The following GABBR2 variants were observed in gnomAD, a reference collection of about 807,000 sequenced individuals.
GABBR2 encodes the protein G-protein coupled receptor 51.
Under a neutral mutation model 105.6 loss-of-function variants are expected in GABBR2, and 23 were observed. That is an observed-to-expected ratio of 0.22 (90% CI 0.16 to 0.31). The LOEUF (loss-of-function observed/expected upper bound fraction) is 0.31, where lower values mean the gene tolerates loss of function less well. GABBR2 is among the 10% of genes least tolerant of loss of function. The probability of loss-of-function intolerance (pLI) is 1.00; values close to 1 mark genes in which losing one functional copy is unlikely to be tolerated. For synonymous variants in GABBR2, 478 were observed against 499.7 expected (o/e 0.96, Z 0.58); for missense variants, 734 against 1,245.5 (o/e 0.59, Z 6.18).
intron 6 of GABBR2, among the ~76,000 whole-genome samples, chr9:98,455,358 C>T (rs998719180): frequency 1.3e-5 from 2 of 152,178 alleles, no homozygotes; most frequent in Non-Finnish European, 2.9e-5. Flanking sequence ...CTGAACTCCT[C>T]TGCCAGAAAT....
chr9:98,571,003 T>G (rs1828821824), intron 2 of GABBR2, among the ~76,000 whole-genome samples: 2 of 152,298 alleles, frequency 1.3e-5, no homozygotes, highest in East Asian at 3.9e-4. Context: ...GCCAGGCCTG[T>G]ACCAGGCCGA....
intron 2 of GABBR2, among the ~76,000 whole-genome samples, chr9:98,567,449 C>T (rs1435364109): frequency 1.3e-5 from 2 of 152,170 alleles, no homozygotes; most frequent in South Asian, 2.1e-4. Context: ...GGGCTTCTTT[C>T]GCCTCTCCTG....
At chr9:98,374,296 A>G (rs1379069575) in intron 11 of GABBR2, among the ~76,000 whole-genome samples, 3 of 152,264 alleles carry the variant, frequency 2.0e-5, no homozygotes, top group Admixed American at 1.3e-4. Flanking sequence ...ATTCAATAAT[A>G]TAAATTTAAT....
intron 8 of GABBR2, among the ~76,000 whole-genome samples, chr9:98,394,927 A>G (rs757894973): frequency 1.3e-5 from 2 of 152,210 alleles, no homozygotes; most frequent in African/African-American, 2.4e-5. Flanking sequence ...TGCATCTTTC[A>G]GAAGCCACAT....
chr9:98,546,785 T>C lies in GABBR2; in HGVS notation c.460-4742A>G, dbSNP rs139878167. 4.9e-3 allele frequency among the ~76,000 whole-genome samples: 614 copies of C among 124,846 alleles called. 101 individuals are homozygous for C. Among genetic ancestry groups the C allele is most frequent in the African/African-American group, 0.015 (583 of 38,954 alleles). 81.9% of individuals were successfully genotyped at this position (124,846 alleles called of 152,430 possible). A position where few individuals can be genotyped will look rare whatever the true frequency, so the allele number is the denominator to read the frequency against. The stretch of plus-strand genomic sequence containing the variant: ...CATCTCATTGGCCATCTCTTCTTTT[T>C]TAATGCTTCCCTTTTTTTGTTTCCT... On this transcript the variant is annotated intron_variant, in intron 2 of 18. Transcript: ENST00000259455.
chr9:98,605,506 T>C (rs898404338), intron 1 of GABBR2, among the ~76,000 whole-genome samples: 1 of 152,214 alleles, frequency 6.6e-6, no homozygotes, highest in African/African-American at 2.4e-5. Flanking sequence ...CAAGCCCAGC[T>C]TGAGGTCGGC....
intron 5 of GABBR2, among the ~76,000 whole-genome samples, chr9:98,477,655 CT>C (rs1826821817): frequency 6.6e-6 from 1 of 152,112 alleles, no homozygotes; most frequent in African/African-American, 2.4e-5. Context: ...CCCTTTGGTT[CT>C]TACTAGCTGT....
chr9:98,641,965 G>T (rs1441693015), intron 1 of GABBR2, among the ~76,000 whole-genome samples: 4 of 152,174 alleles, frequency 2.6e-5, no homozygotes, highest in Non-Finnish European at 5.9e-5. Context: ...GAGAACAGGG[G>T]CGATTCGAGG....
intron 11 of GABBR2, among the ~76,000 whole-genome samples, chr9:98,373,418 A>G (rs1286949431): frequency 6.6e-6 from 1 of 152,206 alleles, no homozygotes; most frequent in Non-Finnish European, 1.5e-5. Context: ...TCCCTTAACC[A>G]TGCCACACAG....
At chr9:98,294,764 C>T (rs753654514) in intron 17 of GABBR2, among the ~76,000 whole-genome samples, 3 of 152,046 alleles carry the variant, frequency 2.0e-5, no homozygotes, top group East Asian at 1.9e-4. Context: ...AGGTGTGAGC[C>T]GCTGCGCCCA....
rs772058401 is a variant in GABBR2, at chr9:98,371,526, C to T, written c.1708G>A (p.Ala570Thr). The change falls in exon 12 of 19, where the codon GCC becomes ACC. Residue 570 changes from alanine (A) to threonine (T), a missense_variant. Ala to Thr is a moderately conservative substitution (Grantham distance 58, BLOSUM62 0). Around this residue, in one of 7 missense-constraint regions of GABBR2, gnomAD observed 17 missense variants for 67.8 expected, o/e 0.25. Transcript: ENST00000259455. ...LTVGYTTAFG[A>T]MFAKTWRVHA... ...ACTCTCCAGGTCTTTGCAAACATGG[C>T]CCCAAAAGCGGTCGTGTAGCCCACG... The T allele has an allele frequency of 5.0e-6, 8 of 1,612,898 alleles. No homozygotes were observed. The highest frequency in any genetic ancestry group is 6.8e-6 in the Non-Finnish European group (8 of 1,178,914).
chr9:98,679,962 T>C lies in GABBR2; in HGVS notation c.321+28455A>G, dbSNP rs140793348. On this transcript the variant is annotated intron_variant, in intron 1 of 18. Transcript: ENST00000259455. ...AAAATACACAAGTTTACCTGCATCT[T>C]TGGGCCTTTGTTTCCTTATGAAGGC... Among the ~76,000 whole-genome samples the C allele has an allele frequency of 3.1e-3, 477 of 152,354 alleles. 10 individuals are homozygous for C. In the East Asian group the frequency reaches 0.039, roughly 12 times the overall value.
intron 12 of GABBR2, among the ~76,000 whole-genome samples, chr9:98,370,945 C>T (rs546840199): frequency 1.3e-5 from 2 of 152,208 alleles, no homozygotes; most frequent in South Asian, 4.1e-4. Context: ...TGTTTCACTC[C>T]TCTCTTTTAA....
rs529781355 is a variant in GABBR2, at chr9:98,675,103, C to G, written c.321+33314G>C. Among the ~76,000 whole-genome samples the G allele has an allele frequency of 2.0e-5, 3 of 152,292 alleles. 1 individual carries two copies. The South Asian group carries it at 6.2e-4, about 32-fold the overall frequency. On this transcript the variant is annotated intron_variant, in intron 1 of 18. Transcript: ENST00000259455. ...GGGAAGAGGATGGAACCTGGGAGCT[C>G]TGACTCAGAGGGAAGGGCCTTTTCT...
chr9:98,308,914 C>T (rs776936926), intron 14 of GABBR2, among the ~76,000 whole-genome samples: 29 of 152,196 alleles, frequency 1.9e-4, no homozygotes, highest in Non-Finnish European at 3.1e-4. Context: ...AGAGGGCGAG[C>T]GCCCCATCAC....
At chr9:98,551,572 A>T (rs1253793664) in intron 2 of GABBR2, among the ~76,000 whole-genome samples, 1 of 152,142 alleles carries the variant, frequency 6.6e-6, no homozygotes, top group Non-Finnish European at 1.5e-5. Context: ...AAACACAGCA[A>T]GTTTTGGAGG....
At chr9:98,520,078 T>A (rs1436182715) in intron 3 of GABBR2, among the ~76,000 whole-genome samples, 1 of 152,224 alleles carries the variant, frequency 6.6e-6, no homozygotes, top group Non-Finnish European at 1.5e-5. Flanking sequence ...GAGCTTTTTT[T>A]CTTGTCTGTT....
chr9:98,534,898 C>A (rs904646066), intron 3 of GABBR2, among the ~76,000 whole-genome samples: 2 of 152,210 alleles, frequency 1.3e-5, no homozygotes, highest in African/African-American at 2.4e-5. Context: ...GAGCTGAAAT[C>A]TGATGTCCAC....
intron 8 of GABBR2, among the ~76,000 whole-genome samples, chr9:98,398,954 C>T (rs975553076): frequency 1.3e-5 from 2 of 152,188 alleles, no homozygotes; most frequent in African/African-American, 4.8e-5. Context: ...CAAACTGGCC[C>T]AAGGACAAGA....
Sources: gnomAD v4.1 joint callset for allele counts (sites outside exome capture counted in the v4.1 genomes callset) on GRCh38, gnomAD v4.1.1 for gene constraint, gnomAD v4.1.1 regional missense constraint, MANE v1.5 for transcripts, NCBI Gene and HGNC (gene_info 2026-07-23, HGNC 2026-07-21) for gene names.